ZNF326: variants seen among roughly 807,000 people sequenced by gnomAD.
The protein encoded by ZNF326 is zinc finger protein 326, also known as DBIRD complex subunit ZNF326.
A neutral mutation model predicts 63.1 loss-of-function variants in ZNF326; 30 were observed. The observed-to-expected ratio is 0.48, with a 90% CI of 0.36 to 0.64. ZNF326 has a LOEUF of 0.64. Ranked by LOEUF, ZNF326 falls within the 30% of genes least tolerant of loss-of-function variation. ZNF326 has a pLI of 0.00. For synonymous variants in ZNF326, 194 were observed against 228.2 expected (o/e 0.85, Z 1.35); for missense variants, 609 against 720.3 (o/e 0.85, Z 1.77).
chr1:90,024,372 G>T (rs1015486373), intron 11 of ZNF326, among the ~76,000 whole-genome samples: 30 of 152,054 alleles, frequency 2.0e-4, no homozygotes, highest in Admixed American at 1.3e-4. Flanking sequence ...CTTTCAGTAG[G>T]GAATGTTGCC....
Position 90,030,277 on chromosome 1 carries a change from G to T in ZNF326, c.*2576G>T, listed in dbSNP as rs1650212642. 6.6e-6 allele frequency: 1 copy of T among 151,358 alleles called. No individual in the cohort carries two copies. 9.4% of individuals were successfully genotyped at this position (151,358 alleles called of 1,614,324 possible). ...TCTTGATTCCACCCTTACCATGATA[G>T]ATTCAGTTTTCTACACAAGTATAAG... is the stretch of plus-strand genomic sequence containing the variant. On this transcript the variant is annotated 3_prime_UTR_variant, in exon 12 of 12. Coordinates refer to ENST00000340281, the MANE Select transcript of ZNF326 (RefSeq NM_182976.4).
Position 89,995,125 on chromosome 1 carries a change from T to C in ZNF326, c.-133T>C. The C allele has an allele frequency of 1.7e-6, 2 of 1,146,582 alleles. No individual in the cohort carries two copies. Among genetic ancestry groups the C allele is most frequent in the Non-Finnish European group, 2.4e-6 (2 of 822,642 alleles). 71.0% of individuals were successfully genotyped at this position (1,146,582 alleles called of 1,614,324 possible). Reference sequence around the variant, plus strand: ...CCGCCTCCCCAGCCTCGCTGTGGCCTGCGGCTCCCGGGCTGGTAGCGCGCC... The same window carrying C: ...CCGCCTCCCCAGCCTCGCTGTGGCCCGCGGCTCCCGGGCTGGTAGCGCGCC... On this transcript the variant is annotated 5_prime_UTR_variant, in exon 1 of 12. Transcript: ENST00000340281.
At position 90,012,879 on chromosome 1, in the gene ZNF326, G is replaced by A. The variant is rs575028789; in HGVS notation, c.815-247G>A. ...GAGCACATTTAAAGAAAAATATGTA[G>A]CAAATAATCACATAGATGACAAGCA... On this transcript the variant is annotated intron_variant, in intron 6 of 11. Coordinates refer to ENST00000340281, the MANE Select transcript of ZNF326 (RefSeq NM_182976.4). Among the ~76,000 whole-genome samples the A allele has an allele frequency of 9.9e-5, 15 of 152,180 alleles. 1 individual carries two copies. The highest frequency in any genetic ancestry group is 3.6e-4 in the African/African-American group (15 of 41,522).
Position 90,017,358 on chromosome 1 carries a change from A to T in ZNF326, c.968A>T (p.Glu323Val), listed in dbSNP as rs762982089. 8.7e-6 allele frequency: 14 copies of T among 1,604,758 alleles called. No individual in the cohort carries two copies. In the South Asian group the frequency reaches 1.6e-4, roughly 18 times the overall value. The change falls in exon 8 of 12, where the codon GAA becomes GTA. Residue 323 changes from glutamate (E) to valine (V), a missense_variant. Coordinates refer to ENST00000340281, the MANE Select transcript of ZNF326 (RefSeq NM_182976.4). ...TCSFCKFRTF[E>V]EKDIELHLES... ...TCATTTTGTAAATTTCGAACATTTG[A>T]AGAAAAAGATATTGAACTGCATCTG...
chr1:90,023,836 G>A (rs1649886050), intron 11 of ZNF326, among the ~76,000 whole-genome samples: 1 of 152,156 alleles, frequency 6.6e-6, no homozygotes, highest in African/African-American at 2.4e-5. Flanking sequence ...TGCACATGTT[G>A]TAGAGAACAC....
At chr1:90,020,256 A>G (rs891046663) in intron 9 of ZNF326, among the ~76,000 whole-genome samples, 16 of 151,340 alleles carry the variant, frequency 1.1e-4, no homozygotes, top group East Asian at 1.9e-4. Flanking sequence ...CTTTTTTTCT[A>G]TTTTCATCTT....
In ZNF326 at chr1:90,030,486, C is replaced by T. The variant is rs1260824959; in HGVS notation, c.*2785C>T. 2 of 151,964 alleles carry T rather than the reference C, an allele frequency of 1.3e-5. No homozygotes were observed. Among genetic ancestry groups the T allele is most frequent in the African/African-American group, 4.8e-5 (2 of 41,356 alleles). The allele number at this position is 151,964 out of a possible 1,614,324, so 9.4% of individuals were successfully genotyped here. A position where few individuals can be genotyped will look rare whatever the true frequency, so the allele number is the denominator to read the frequency against. On this transcript the variant is annotated 3_prime_UTR_variant, in exon 12 of 12. Transcript: ENST00000340281. ...TTGATGAGTTCTTTCCTACAAAGAC[C>T]TTTGCATTTTCTTATTCTATAGCCT... is the stretch of plus-strand genomic sequence containing the variant.
intron 7 of ZNF326, 69 bp downstream of exon 7, chr1:90,013,306 T>C: frequency 8.4e-7 from 1 of 1,186,218 alleles, no homozygotes; most frequent in Non-Finnish European, 1.2e-6. Context: ...AACACATCAA[T>C]TGTAATATTA....
chr1:90,005,995 G>GA, intron 4 of ZNF326: 1 of 985,416 alleles, frequency 1.0e-6, no homozygotes, highest in Non-Finnish European at 1.2e-6. Context: ...TCTACTTTTT[G>GA]AGGCACAAAG....
chr1:90,027,606 G>T lies in ZNF326; in HGVS notation c.1654G>T (p.Gly552Ter). Residue 552 changes from glycine (G) to a stop codon, truncating the protein, a stop_gained, in exon 12 of 12, where the codon GGA becomes TGA. Transcript: ENST00000340281. LOFTEE classifies it low-confidence loss of function (END_TRUNC). ...GEVGVVGEVEGVGEVEEVEEL... is the reference protein window; with the variant it reads ...GEVGVVGEVE Reference sequence around the variant, plus strand: ...AGTAGGGGTAGTGGGAGAAGTAGAGGGAGTGGGGGAAGTAGAGGAAGTAGA... The same window carrying T: ...AGTAGGGGTAGTGGGAGAAGTAGAGTGAGTGGGGGAAGTAGAGGAAGTAGA... The T allele has an allele frequency of 1.2e-6, 2 of 1,613,152 alleles. No homozygotes were observed. Among genetic ancestry groups the T allele is most frequent in the Non-Finnish European group, 1.7e-6 (2 of 1,179,544 alleles).
chr1:90,034,986 T>C lies in ZNF326; in HGVS notation c.*7285T>C, dbSNP rs1650424665. ...CAATCCTTTAGGAAATTTATTACTT[T>C]AACTTAAAAAAAAATACCATAAGCT... On this transcript the variant is annotated 3_prime_UTR_variant, in exon 12 of 12. Coordinates refer to ENST00000340281, the MANE Select transcript of ZNF326 (RefSeq NM_182976.4). 1 of 152,170 alleles carries C rather than the reference T, an allele frequency of 6.6e-6. No homozygotes were observed. Among genetic ancestry groups the C allele is most frequent in the Non-Finnish European group, 1.5e-5 (1 of 68,022 alleles). The allele number at this position is 152,170 out of a possible 1,614,324, so 9.4% of individuals were successfully genotyped here. A position where few individuals can be genotyped will look rare whatever the true frequency, so the allele number is the denominator to read the frequency against.
chr1:90,010,119 C>T lies in ZNF326; in HGVS notation c.647C>T (p.Pro216Leu). Residue 216 changes from proline (P) to leucine (L), a missense_variant, in exon 6 of 12, where the codon CCC becomes CTC. Around this residue, in one of 3 missense-constraint regions of ZNF326, gnomAD observed 399 missense variants for 444.3 expected, o/e 0.90. Transcript: ENST00000340281. ...GGTGATTTTGGAAGCATTCATAGAC[C>T]CGGAATTGTTGTTGACTATCAAAAC... Reference protein sequence around the residue: ...HMGDFGSIHRPGIVVDYQNKS... With the variant: ...HMGDFGSIHRLGIVVDYQNKS... 10 of 1,613,606 alleles carry T rather than the reference C, an allele frequency of 6.2e-6. No individual in the cohort carries two copies. The highest frequency in any genetic ancestry group is 8.5e-6 in the Non-Finnish European group (10 of 1,179,764).
intron 10 of ZNF326, 91 bp from the exon 11 acceptor site, chr1:90,022,159 A>G: frequency 1.1e-6 from 1 of 888,400 alleles, no homozygotes; most frequent in South Asian, 1.6e-5. Context: ...ATTTAAATCT[A>G]AGGGTTTGAG....
chr1:89,995,234 G>A lies in ZNF326; in HGVS notation c.-24G>A, dbSNP rs1390142907. 3 of 1,546,240 alleles carry A rather than the reference G, an allele frequency of 1.9e-6. No individual in the cohort carries two copies. The highest frequency in any genetic ancestry group is 1.4e-5 in the African/African-American group (1 of 70,900). ...CCATAGCTCAGCCTAGCGCCGCCAA[G>A]GCCGACGGCCCTCAGCCTCTGCCAT... On this transcript the variant is annotated 5_prime_UTR_variant, in exon 1 of 12. Coordinates refer to ENST00000340281, the MANE Select transcript of ZNF326 (RefSeq NM_182976.4).
chr1:90,016,543 C>G (rs1243451239), intron 7 of ZNF326, among the ~76,000 whole-genome samples: 1 of 151,784 alleles, frequency 6.6e-6, no homozygotes, highest in Admixed American at 6.6e-5. Context: ...TGGCAAAAAC[C>G]CTGTCTCTAC....
intron 7 of ZNF326, among the ~76,000 whole-genome samples, chr1:90,013,786 A>G (rs1013658595): frequency 1.3e-5 from 2 of 152,206 alleles, no homozygotes; most frequent in African/African-American, 4.8e-5. Flanking sequence ...GAATTGGGCT[A>G]GGCACAGTGG....
At chr1:90,002,607 T>G (rs1400342536) in intron 2 of ZNF326, among the ~76,000 whole-genome samples, 2 of 152,208 alleles carry the variant, frequency 1.3e-5, no homozygotes, top group African/African-American at 4.8e-5. Context: ...ATTTTATTAA[T>G]CTGGGACTGT....
intron 4 of ZNF326, chr1:90,005,445 C>G (rs1224889434): frequency 7.7e-7 from 1 of 1,305,582 alleles, no homozygotes; most frequent in African/African-American, 1.5e-5. Flanking sequence ...TAGGAAAACA[C>G]CAGATAACTA....
At chr1:90,024,980 GTTTT>G (rs563668519) in intron 11 of ZNF326, among the ~76,000 whole-genome samples, 2 of 128,536 alleles carry the variant, frequency 1.6e-5, no homozygotes, top group Non-Finnish European at 3.2e-5. Context: ...TTTTTTTCCT[GTTTT>G]TTTTTTTTTT....
Sources: gnomAD v4.1 joint callset for allele counts (sites outside exome capture counted in the v4.1 genomes callset) on GRCh38, gnomAD v4.1.1 for gene constraint, gnomAD v4.1.1 regional missense constraint, MANE v1.5 for transcripts, NCBI Gene and HGNC (gene_info 2026-07-23, HGNC 2026-07-21) for gene names.